Variants in SGCD observed in about 807,000 individuals in gnomAD.
SGCD encodes delta-sarcoglycan.
SGCD carries 18 observed loss-of-function variants against 36.6 expected under a neutral mutation model. The observed-to-expected ratio is 0.49, with a 90% CI of 0.34 to 0.73. The LOEUF (loss-of-function observed/expected upper bound fraction) is 0.73. Ranked by LOEUF, SGCD falls within the 30% of genes least tolerant of loss-of-function variation. The pLI, the probability that SGCD is intolerant of heterozygous loss-of-function variation, is 0.01. For missense variants in SGCD, 387 were observed against 346.7 expected (o/e 1.12, Z -0.92); for synonymous variants, 133 against 130.6 (o/e 1.02, Z -0.12).
chr5:155,890,989 C>CA (rs1161230914), intron 1 of SGCD, among the ~76,000 whole-genome samples: 1 of 151,734 alleles, frequency 6.6e-6, no homozygotes, highest in Non-Finnish European at 1.5e-5. Flanking sequence ...AAGAAATTCA[C>CA]AAAAAAAGAC....
At chr5:155,910,872 A>C (rs1485974293) in intron 1 of SGCD, among the ~76,000 whole-genome samples, 1 of 152,138 alleles carries the variant, frequency 6.6e-6, no homozygotes, top group Non-Finnish European at 1.5e-5. Context: ...CTTTATAATC[A>C]GCTGCATAAA....
At chr5:155,907,206 C>T (rs996891630) in intron 1 of SGCD, among the ~76,000 whole-genome samples, 1 of 151,804 alleles carries the variant, frequency 6.6e-6, no homozygotes, top group African/African-American at 2.4e-5. Flanking sequence ...GTGAGACCTA[C>T]TGCTCAGGAA....
At chr5:156,260,962 C>G (rs1160921135) in intron 3 of SGCD, among the ~76,000 whole-genome samples, 3 of 152,020 alleles carry the variant, frequency 2.0e-5, no homozygotes, top group African/African-American at 7.2e-5. Context: ...GTGATGTATT[C>G]TATTGATTGA....
intron 7 of SGCD, among the ~76,000 whole-genome samples, chr5:156,685,145 G>T (rs191542756): frequency 6.6e-6 from 1 of 152,152 alleles, no homozygotes; most frequent in South Asian, 2.1e-4. Flanking sequence ...AAGGAAAGGG[G>T]CAGATGCTGA....
chr5:156,541,483 C>T (rs1758345742), intron 4 of SGCD, among the ~76,000 whole-genome samples: 1 of 152,016 alleles, frequency 6.6e-6, no homozygotes, highest in Non-Finnish European at 1.5e-5. Context: ...TTTAGAGGTA[C>T]AGTTGACAGG....
At chr5:156,236,356 TTC>T (rs1765162727) in intron 3 of SGCD, among the ~76,000 whole-genome samples, 1 of 152,218 alleles carries the variant, frequency 6.6e-6, no homozygotes, top group African/African-American at 2.4e-5. Flanking sequence ...CAATTCACTA[TTC>T]TACCACCTAA....
At chr5:156,015,174 T>C (rs529360806) in intron 1 of SGCD, among the ~76,000 whole-genome samples, 1 of 152,330 alleles carries the variant, frequency 6.6e-6, no homozygotes, top group South Asian at 2.1e-4. Context: ...CCTTCCACAT[T>C]CATTAGGTTC....
chr5:156,236,450 AC>A (rs1306213459), intron 3 of SGCD, among the ~76,000 whole-genome samples: 1 of 143,154 alleles, frequency 7.0e-6, no homozygotes, highest in East Asian at 2.5e-4. Context: ...TAATTCGTAT[AC>A]TTTTTTTTTT....
chr5:156,523,686 T>G (rs6869314), intron 4 of SGCD, among the ~76,000 whole-genome samples: 5,139 of 152,102 alleles, frequency 0.034, 192 homozygotes, highest in African/African-American at 0.089. Context: ...TGGTAGAGTG[T>G]TTCGATATTC....
chr5:155,741,335 C>G, the SGCD span, among the ~76,000 whole-genome samples: 2 of 152,170 alleles, frequency 1.3e-5, no homozygotes, highest in Non-Finnish European at 2.9e-5. Context: ...CAGGAAAAGA[C>G]CTGGAAAAAG....
At chr5:155,900,208 T>C (rs1248958227) in intron 1 of SGCD, among the ~76,000 whole-genome samples, 2 of 152,180 alleles carry the variant, frequency 1.3e-5, no homozygotes, top group Non-Finnish European at 2.9e-5. Flanking sequence ...CTACTGCAAA[T>C]ACTCCAGTTT....
At chr5:156,241,177 G>A (rs1213304498) in intron 3 of SGCD, among the ~76,000 whole-genome samples, 4 of 152,030 alleles carry the variant, frequency 2.6e-5, no homozygotes, top group Non-Finnish European at 5.9e-5. Flanking sequence ...TTTGGAAGAT[G>A]AGAAATTGAT....
chr5:156,709,773 T>C (rs1754902384), intron 7 of SGCD, among the ~76,000 whole-genome samples: 1 of 152,052 alleles, frequency 6.6e-6, no homozygotes, highest in Non-Finnish European at 1.5e-5. Flanking sequence ...AGGTGATCTG[T>C]ATTGTGTGCT....
intron 1 of SGCD, among the ~76,000 whole-genome samples, chr5:156,070,918 T>C (rs1236250874): frequency 4.6e-5 from 7 of 152,214 alleles, no homozygotes; most frequent in Admixed American, 2.6e-4. Flanking sequence ...TTTATTTGCA[T>C]AGAGGTGTTT....
intron 4 of SGCD, among the ~76,000 whole-genome samples, chr5:156,544,678 GT>G (rs1781485969): frequency 6.6e-6 from 1 of 151,802 alleles, no homozygotes; most frequent in South Asian, 2.1e-4. Context: ...TGGGTATCGA[GT>G]TGTTTCGGCA....
At chr5:155,965,671 A>T (rs1210072159) in intron 1 of SGCD, among the ~76,000 whole-genome samples, 1 of 152,114 alleles carries the variant, frequency 6.6e-6, no homozygotes, top group Non-Finnish European at 1.5e-5. Flanking sequence ...CTACTGGAAC[A>T]TCTGGAGACT....
At chr5:155,840,669 A>C in the SGCD span, among the ~76,000 whole-genome samples, 1 of 151,738 alleles carries the variant, frequency 6.6e-6, no homozygotes, top group African/African-American at 2.4e-5. Flanking sequence ...TCTAGAATCT[A>C]GAATTTTCCA....
At chr5:156,587,291 T>C (rs1760535644) in intron 4 of SGCD, among the ~76,000 whole-genome samples, 1 of 152,202 alleles carries the variant, frequency 6.6e-6, no homozygotes, top group African/African-American at 2.4e-5. Context: ...GTGGGAGTTG[T>C]TGTGTGCTGT....
intron 3 of SGCD, among the ~76,000 whole-genome samples, chr5:156,149,490 CAG>C (rs1424053592): frequency 6.6e-6 from 1 of 152,162 alleles, no homozygotes; most frequent in Non-Finnish European, 1.5e-5. Context: ...TCTCAGGATC[CAG>C]AGTCTGTGAT....
Sources: allele counts gnomAD v4.1 joint callset (sites outside exome capture counted in the v4.1 genomes callset), GRCh38; gene constraint gnomAD v4.1.1; transcripts MANE v1.5; gene names NCBI Gene and HGNC (gene_info 2026-07-23, HGNC 2026-07-21).